Variants in UBXN8 observed in about 807,000 individuals in gnomAD.
The protein encoded by UBXN8 is UBX domain protein 8.
Under a neutral mutation model 32.1 loss-of-function variants are expected in UBXN8, and 27 were observed. The observed-to-expected ratio is 0.84, with a 90% confidence interval of 0.62 to 1.16. The LOEUF is 1.16. Among genes scored for constraint, UBXN8 ranks in the 50% most tolerant of loss-of-function variants. The probability of loss-of-function intolerance (pLI) is 0.00; values close to 1 mark genes in which losing one functional copy is unlikely to be tolerated. For missense variants in UBXN8, 306 were observed against 311.4 expected, an observed-to-expected ratio of 0.98 and a Z score of 0.13; for synonymous variants, 109 against 111.8, an observed-to-expected ratio of 0.98 and a Z score of 0.16.
chr8:30,764,439 G>A (rs945925141), intron 7 of UBXN8, among the ~76,000 whole-genome samples: 6 of 152,074 alleles, frequency 3.9e-5, no homozygotes, highest in Admixed American at 3.9e-4. Flanking sequence ...CCAAGTGTTG[G>A]GATTACAGGC....
At position 30,766,333 on chromosome 8, in the gene UBXN8, A is replaced by G; in HGVS notation, c.752A>G (p.Glu251Gly). 5 of 1,613,672 alleles carry G rather than the reference A, an allele frequency of 3.1e-6. No homozygotes were observed. Among genetic ancestry groups the G allele is most frequent in the Non-Finnish European group, 4.2e-6 (5 of 1,179,706 alleles). ...PLAVEGGQSL[E>G]DIGITVDTVL... ...GCAGTGGAGGGAGGCCAGTCGCTGGAGGACATAGGAATAACTGTGGACACT... is the reference window on the plus strand; with the variant it reads ...GCAGTGGAGGGAGGCCAGTCGCTGGGGGACATAGGAATAACTGTGGACACT... The change falls in exon 8 of 8, where the codon GAG (glutamate) becomes GGG (glycine). Residue 251 changes from glutamate (E) to glycine (G), a missense_variant. Coordinates refer to ENST00000265616, the MANE Select transcript of UBXN8 (RefSeq NM_005671.4).
intron 4 of UBXN8, 125 bp downstream of exon 4, chr8:30,754,912 T>G: frequency 7.9e-7 from 1 of 1,270,328 alleles, no homozygotes; most frequent in Non-Finnish European, 1.0e-6. Flanking sequence ...GATTATCAGT[T>G]TTTGTTCAGC....
chr8:30,740,602 G>A (rs1586087986), upstream of UBXN8, among the ~76,000 whole-genome samples: 1 of 150,834 alleles, frequency 6.6e-6, no homozygotes, highest in African/African-American at 2.4e-5. Flanking sequence ...GCATGTGTTT[G>A]TAGTCCCAGC....
In UBXN8 at chr8:30,751,391, A is replaced by T. The variant is rs755537546; in HGVS notation, c.89-5A>T. Reference sequence around the variant, plus strand: ...ATTTTAATTTTAGTTTTTTTCCTTTATCAGGAATCAAGGATTTTCTTTTGC... The same window carrying T: ...ATTTTAATTTTAGTTTTTTTCCTTTTTCAGGAATCAAGGATTTTCTTTTGC... On this transcript the variant is annotated splice_region_variant and splice_polypyrimidine_tract_variant and intron_variant, in intron 1 of 7. Transcript: ENST00000265616. The T allele has an allele frequency of 3.8e-6, 6 of 1,566,566 alleles. No individual in the cohort carries two copies. Among genetic ancestry groups the T allele is most frequent in the African/African-American group, 1.4e-5 (1 of 73,520 alleles).
chr8:30,755,399 C>T (rs1805630326), intron 4 of UBXN8, among the ~76,000 whole-genome samples: 1 of 152,026 alleles, frequency 6.6e-6, no homozygotes, highest in African/African-American at 2.4e-5. Context: ...ATAGGTGCAC[C>T]CTACCATGGA....
At chr8:30,752,984 C>A in intron 2 of UBXN8, 51 bp from the exon 3 acceptor site, 2 of 1,458,214 alleles carry the variant, frequency 1.4e-6, no homozygotes, top group Admixed American at 3.0e-5. Flanking sequence ...GGTTGTACTT[C>A]AAATAAGATA....
chr8:30,739,372 G>A (rs918710520), upstream of UBXN8, among the ~76,000 whole-genome samples: 11 of 150,798 alleles, frequency 7.3e-5, no homozygotes, highest in Admixed American at 1.3e-4. Flanking sequence ...GTGAAACCCC[G>A]TCTCTACTAA....
At chr8:30,730,714 T>C (rs1487752101), upstream of UBXN8, among the ~76,000 whole-genome samples, 5 of 152,216 alleles carry the variant, frequency 3.3e-5, no homozygotes, top group African/African-American at 9.6e-5. Flanking sequence ...AGCACAATTC[T>C]ACGAGAGACT....
chr8:30,749,392 C>A (rs371662218), intron 1 of UBXN8, among the ~76,000 whole-genome samples: 38 of 74,622 alleles, frequency 5.1e-4, no homozygotes, highest in African/African-American at 5.8e-4. Context: ...GGCTCCGTCT[C>A]AAAAAAAAAA....
At chr8:30,743,684 C>A (rs565180080), upstream of UBXN8, among the ~76,000 whole-genome samples, 1 of 152,332 alleles carries the variant, frequency 6.6e-6, no homozygotes, top group East Asian at 1.9e-4. Flanking sequence ...TGGAGCCAGG[C>A]CCCACTTTCG....
rs565031387 is a variant in UBXN8 at position 30,763,471 on chromosome 8, G to C, written c.645+124G>C. On this transcript the variant is annotated intron_variant, in intron 7 of 7. Transcript: ENST00000265616. The stretch of plus-strand genomic sequence containing the variant: ...CATCTCCCATCAGGTATGGATAAAG[G>C]ACATTTCCAGGTACTCCACGTTGCA... 7.5e-6 allele frequency: 7 copies of C among 930,308 alleles called. No individual in the cohort carries two copies. In the South Asian group the frequency reaches 1.1e-4, roughly 15 times the overall value. The allele number at this position is 930,308 out of a possible 1,614,324, so 57.6% of individuals were successfully genotyped here. A position where few individuals can be genotyped will look rare whatever the true frequency, so the allele number is the denominator to read the frequency against.
At chr8:30,762,061 C>CT (rs11393072) in intron 6 of UBXN8, among the ~76,000 whole-genome samples, 121,663 of 135,514 alleles carry the variant, frequency 0.9, 54,892 homozygotes, top group East Asian at 0.99. Context: ...CCTTGGAAAC[C>CT]TTTTTTTTTT....
At chr8:30,730,007 C>T (rs2955999), upstream of UBXN8, among the ~76,000 whole-genome samples, 106,679 of 152,032 alleles carry the variant, frequency 0.7, 39,414 homozygotes, top group East Asian at 0.84. Context: ...CAACATCAGA[C>T]GATCCATTGC....
intron 6 of UBXN8, 75 bp downstream of exon 6, chr8:30,761,004 A>G (rs886326681): frequency 2.0e-5 from 22 of 1,085,240 alleles, no homozygotes; most frequent in Non-Finnish European, 2.9e-5. Context: ...AATATGTCTT[A>G]TCTAAACTTG....
chr8:30,736,902 A>G (rs1444372842), intron 1 of UBXN8, among the ~76,000 whole-genome samples: 1 of 152,230 alleles, frequency 6.6e-6, no homozygotes, highest in Non-Finnish European at 1.5e-5. Flanking sequence ...CTAGTTCTAC[A>G]TAGCTATCCC....
At chr8:30,760,443 A>ATATATATTTTTT (rs1196366158) in intron 5 of UBXN8, among the ~76,000 whole-genome samples, 4 of 91,094 alleles carry the variant, frequency 4.4e-5, no homozygotes, top group Non-Finnish European at 5.9e-5. Context: ...ATATATATAT[A>ATATATATTTTTT]TTTTTTTTTT....
chr8:30,757,590 G>A (rs1005945060), intron 5 of UBXN8, among the ~76,000 whole-genome samples: 1 of 151,686 alleles, frequency 6.6e-6, no homozygotes, highest in Non-Finnish European at 1.5e-5. Context: ...GCTGGGCATG[G>A]TGGCTCATGC....
chr8:30,732,015 C>A (rs1048899087), upstream of UBXN8, among the ~76,000 whole-genome samples: 1 of 151,948 alleles, frequency 6.6e-6, no homozygotes, highest in Non-Finnish European at 1.5e-5. Context: ...GCTGGTTCAC[C>A]TGCTTGGACC....
At chr8:30,754,569 G>T (rs1008691967) in intron 3 of UBXN8, 96 bp from the exon 4 acceptor site, 6 of 1,457,590 alleles carry the variant, frequency 4.1e-6, no homozygotes, top group Non-Finnish European at 4.5e-6. Context: ...AGCCAGCAGG[G>T]TTCTTACTTG....
Sources: gnomAD v4.1 joint callset for allele counts (sites outside exome capture counted in the v4.1 genomes callset) on GRCh38, gnomAD v4.1.1 for gene constraint, MANE v1.5 for transcripts, NCBI Gene and HGNC (gene_info 2026-07-23, HGNC 2026-07-21) for gene names.